ATP6V1H: variants seen among roughly 807,000 people sequenced by gnomAD.
ATP6V1H encodes the protein ATPase H+ transporting V1 subunit H, also known as V-type proton ATPase subunit H.
In ATP6V1H, 39 loss-of-function variants were observed where a neutral mutation model predicts 71.7. That is an observed-to-expected ratio of 0.54 (90% CI 0.42 to 0.71). ATP6V1H has a LOEUF of 0.71. Ranked by LOEUF, ATP6V1H falls within the 30% of genes least tolerant of loss-of-function variation. ATP6V1H has a pLI of 0.00. For synonymous variants in ATP6V1H, 192 were observed against 199.3 expected (o/e 0.96, Z 0.31); for missense variants, 509 against 594.9 (o/e 0.86, Z 1.50).
At chr8:53,771,962 A>C (rs1458824365) in intron 10 of ATP6V1H, 27 bp downstream of exon 10, 1 of 1,594,710 alleles carries the variant, frequency 6.3e-7, no homozygotes, top group African/African-American at 1.3e-5. Flanking sequence ...CAGATCCAGC[A>C]CATGAGAATT....
intron 11 of ATP6V1H, among the ~76,000 whole-genome samples, chr8:53,764,355 G>A (rs1315509209): frequency 1.3e-5 from 2 of 152,166 alleles, no homozygotes; most frequent in African/African-American, 4.8e-5. Context: ...TTGAGTCCGG[G>A]TATGCAAGGC....
chr8:53,723,817 G>T (rs1270345232), intron 13 of ATP6V1H, among the ~76,000 whole-genome samples: 1 of 152,172 alleles, frequency 6.6e-6, no homozygotes, highest in Non-Finnish European at 1.5e-5. Context: ...TGTGCTTGCT[G>T]CCTCACCGTG....
intron 12 of ATP6V1H, among the ~76,000 whole-genome samples, chr8:53,745,557 A>C (rs1247812013): frequency 6.6e-6 from 1 of 152,168 alleles, no homozygotes; most frequent in Non-Finnish European, 1.5e-5. Context: ...CTAGCAGCCA[A>C]CAGCACCATA....
chr8:53,715,732 CAAGCAGTATATGT>C lies in ATP6V1H; in HGVS notation c.*219_*231del, dbSNP rs1806401099. The C allele has an allele frequency of 2.6e-6, 1 of 380,916 alleles. No homozygotes were observed. Among genetic ancestry groups the C allele is most frequent in the Admixed American group, 4.5e-5 (1 of 22,180 alleles). The allele number at this position is 380,916 out of a possible 1,614,324, so 23.6% of individuals were successfully genotyped here. A position where few individuals can be genotyped will look rare whatever the true frequency, so the allele number is the denominator to read the frequency against. On this transcript the variant is annotated 3_prime_UTR_variant, in exon 14 of 14. Transcript: ENST00000359530. Reference sequence around the variant, plus strand: ...CAGAGAACAATAAATACAGAAATTGCAAGCAGTATATGTAACAGTAATATTTTCTTTAAATACA... The same window carrying C: ...CAGAGAACAATAAATACAGAAATTGCAACAGTAATATTTTCTTTAAATACA...
intron 4 of ATP6V1H, among the ~76,000 whole-genome samples, chr8:53,823,452 A>G (rs1304038012): frequency 5.9e-5 from 9 of 152,120 alleles, no homozygotes; most frequent in Non-Finnish European, 1.0e-4. Context: ...CAGTAATCAA[A>G]GGAAAATGCA....
At chr8:53,764,170 T>A (rs1808370139) in intron 11 of ATP6V1H, among the ~76,000 whole-genome samples, 1 of 152,142 alleles carries the variant, frequency 6.6e-6, no homozygotes, top group Non-Finnish European at 1.5e-5. Context: ...ACCTCTTAAC[T>A]CATTCTATGA....
intron 12 of ATP6V1H, among the ~76,000 whole-genome samples, chr8:53,746,596 C>A (rs1039243965): frequency 6.6e-6 from 1 of 152,258 alleles, no homozygotes; most frequent in South Asian, 2.1e-4. Flanking sequence ...ATTTAGTAAA[C>A]TACATTTTAT....
At chr8:53,824,815 A>C (rs562736987) in intron 4 of ATP6V1H, among the ~76,000 whole-genome samples, 1 of 152,106 alleles carries the variant, frequency 6.6e-6, no homozygotes, top group African/African-American at 2.4e-5. Context: ...GTTTTTGCAA[A>C]AATAGAAAAT....
At chr8:53,780,411 T>C (rs1031669966) in intron 9 of ATP6V1H, among the ~76,000 whole-genome samples, 6 of 152,314 alleles carry the variant, frequency 3.9e-5, no homozygotes, top group African/African-American at 1.4e-4. Context: ...GTCATCTTGC[T>C]ATAAAAAATG....
intron 12 of ATP6V1H, among the ~76,000 whole-genome samples, chr8:53,754,596 T>A (rs117535895): frequency 6.6e-6 from 1 of 152,336 alleles, no homozygotes; most frequent in East Asian, 1.9e-4. Flanking sequence ...AATCTACTGG[T>A]AGCGTTTCCT....
At chr8:53,757,955 A>G (rs1808133117) in intron 11 of ATP6V1H, among the ~76,000 whole-genome samples, 1 of 152,254 alleles carries the variant, frequency 6.6e-6, no homozygotes, top group African/African-American at 2.4e-5. Context: ...AGATGTAGGT[A>G]AGGTATGCCT....
chr8:53,795,474 C>A (rs1809696729), intron 9 of ATP6V1H, among the ~76,000 whole-genome samples, 173 bp downstream of exon 9: 1 of 152,182 alleles, frequency 6.6e-6, no homozygotes, highest in African/African-American at 2.4e-5. Flanking sequence ...TCACCTATCC[C>A]ACTGCCCACA....
At chr8:53,786,487 G>A (rs921212374) in intron 9 of ATP6V1H, among the ~76,000 whole-genome samples, 7 of 151,532 alleles carry the variant, frequency 4.6e-5, no homozygotes, top group African/African-American at 9.8e-5. Flanking sequence ...TGCAGTTCCC[G>A]GGTGAGGCGA....
At chr8:53,830,565 A>G (rs923543776) in intron 3 of ATP6V1H, among the ~76,000 whole-genome samples, 1 of 152,196 alleles carries the variant, frequency 6.6e-6, no homozygotes, top group Non-Finnish European at 1.5e-5. Context: ...TAAAAAAAAA[A>G]AGATATAAGT....
At chr8:53,721,171 G>A (rs189147501) in intron 13 of ATP6V1H, among the ~76,000 whole-genome samples, 235 of 152,160 alleles carry the variant, frequency 1.5e-3, no homozygotes, top group African/African-American at 5.4e-3. Context: ...ACATAGCTCT[G>A]CTTTCTTTAA....
chr8:53,716,786 C>A (rs887523066), intron 13 of ATP6V1H, among the ~76,000 whole-genome samples: 8 of 152,250 alleles, frequency 5.3e-5, no homozygotes, highest in African/African-American at 1.9e-4. Context: ...CATACAGACA[C>A]CACTGTGAAT....
intron 3 of ATP6V1H, among the ~76,000 whole-genome samples, chr8:53,831,612 G>C (rs527931879): frequency 1.3e-5 from 2 of 152,184 alleles, no homozygotes; most frequent in East Asian, 1.9e-4. Flanking sequence ...AGACCCAGAG[G>C]GGGTGCTGGA....
intron 12 of ATP6V1H, 194 bp downstream of exon 12, chr8:53,756,361 C>T (rs892290416): frequency 5.2e-6 from 2 of 385,018 alleles, no homozygotes; most frequent in Admixed American, 4.1e-5. Context: ...GTATTACAGG[C>T]GTGAGCCACT....
At chr8:53,782,326 G>A (rs1448433499) in intron 9 of ATP6V1H, among the ~76,000 whole-genome samples, 3 of 151,858 alleles carry the variant, frequency 2.0e-5, no homozygotes, top group African/African-American at 7.3e-5. Flanking sequence ...GTTCACTCAT[G>A]ATTTGGCTCT....
Sources: gnomAD v4.1 joint callset for allele counts (sites outside exome capture counted in the v4.1 genomes callset) on GRCh38, gnomAD v4.1.1 for gene constraint, MANE v1.5 for transcripts, NCBI Gene and HGNC (gene_info 2026-07-23, HGNC 2026-07-21) for gene names.